Variants in GRID2 observed in about 807,000 individuals in gnomAD.
GRID2 encodes the protein glutamate receptor ionotropic, delta-2.
A neutral mutation model predicts 114.8 loss-of-function variants in GRID2; 33 were observed. The observed-to-expected ratio is 0.29, with a 90% CI of 0.22 to 0.38. GRID2 has a LOEUF of 0.38. Among genes scored for constraint, GRID2 ranks in the 10% least tolerant of loss-of-function variants. The pLI is 1.00. For synonymous variants in GRID2, 505 were observed against 449.9 expected (o/e 1.12, Z -1.55); for missense variants, 1,184 against 1,257.7 (o/e 0.94, Z 0.89).
intron 14 of GRID2, among the ~76,000 whole-genome samples, chr4:93,663,376 C>A (rs1578509102): frequency 6.6e-6 from 1 of 152,302 alleles, no homozygotes; most frequent in Non-Finnish European, 1.5e-5. Flanking sequence ...TTGAGAGTCA[C>A]ATTTTGGCTG....
chr4:93,804,135 T>A (rs1013379608), intron 1 of GRID2, among the ~76,000 whole-genome samples: 3 of 152,136 alleles, frequency 2.0e-5, no homozygotes, highest in Non-Finnish European at 4.4e-5. Flanking sequence ...TTCCTTAGGA[T>A]CTAAAACTAG....
In GRID2 at chr4:92,615,670, C is replaced by A. The variant is rs568352593; in HGVS notation, c.244+25384C>A. ...CTGAATTGTGCTTTTTATTGCTATACCTCATCATATTATTCTGGCTATTCT... is the reference window on the plus strand; with the variant it reads ...CTGAATTGTGCTTTTTATTGCTATAACTCATCATATTATTCTGGCTATTCT... On this transcript the variant is annotated intron_variant, in intron 2 of 15. Coordinates refer to ENST00000282020, the MANE Select transcript of GRID2 (RefSeq NM_001510.4). Among the ~76,000 whole-genome samples, 66 of 151,444 alleles carry A rather than the reference C, an allele frequency of 4.4e-4. 1 individual carries two copies. The South Asian group carries it at 0.012, about 28-fold the overall frequency.
intron 14 of GRID2, among the ~76,000 whole-genome samples, chr4:93,666,280 C>G (rs1490696842): frequency 6.6e-6 from 1 of 151,984 alleles, no homozygotes; most frequent in African/African-American, 2.4e-5. Context: ...ATATAAGCAC[C>G]TTTTATTGAA....
intron 4 of GRID2, among the ~76,000 whole-genome samples, chr4:93,139,126 CA>C (rs1163809367): frequency 6.6e-6 from 1 of 152,112 alleles, no homozygotes; most frequent in Non-Finnish European, 1.5e-5. Context: ...AATCTGTTTA[CA>C]AAAGTTTGGG....
chr4:92,707,082 TTAGA>T (rs1249731921), intron 2 of GRID2, among the ~76,000 whole-genome samples: 9 of 152,280 alleles, frequency 5.9e-5, no homozygotes, highest in African/African-American at 9.6e-5. Context: ...TCTGTAAATG[TTAGA>T]TAGGGAGTTA....
At chr4:92,714,830 G>A (rs368073942) in intron 2 of GRID2, among the ~76,000 whole-genome samples, 1 of 152,112 alleles carries the variant, frequency 6.6e-6, no homozygotes, top group Non-Finnish European at 1.5e-5. Context: ...GGCCCAGCCC[G>A]TGAAACCATT....
intron 2 of GRID2, among the ~76,000 whole-genome samples, chr4:92,662,597 A>T (rs1732575357): frequency 6.6e-6 from 1 of 151,224 alleles, no homozygotes; most frequent in Admixed American, 6.6e-5. Context: ...GAATAAAAAA[A>T]AAAGGTAAAC....
At chr4:92,460,990 C>T (rs916970429) in intron 1 of GRID2, among the ~76,000 whole-genome samples, 1 of 151,618 alleles carries the variant, frequency 6.6e-6, no homozygotes, top group Non-Finnish European at 1.5e-5. Flanking sequence ...TCCCTTCTTC[C>T]TCATATGTAT....
intron 13 of GRID2, among the ~76,000 whole-genome samples, chr4:93,596,801 A>G (rs1209418564): frequency 1.3e-5 from 2 of 152,200 alleles, no homozygotes; most frequent in African/African-American, 4.8e-5. Context: ...TTGGTTTTTG[A>G]TAGATCAGAT....
intron 1 of GRID2, among the ~76,000 whole-genome samples, chr4:92,560,664 C>T (rs1346918470): frequency 2.0e-5 from 3 of 152,114 alleles, no homozygotes; most frequent in African/African-American, 4.8e-5. Flanking sequence ...TTATATCCTA[C>T]TGATATTTCC....
chr4:92,370,702 G>A (rs963530969), intron 1 of GRID2, among the ~76,000 whole-genome samples: 8 of 152,150 alleles, frequency 5.3e-5, no homozygotes, highest in African/African-American at 1.7e-4. Flanking sequence ...CTAAAAGAGA[G>A]TAAGCTTAGT....
intron 2 of GRID2, among the ~76,000 whole-genome samples, chr4:92,623,941 A>C (rs1730397295): frequency 6.6e-6 from 1 of 151,834 alleles, no homozygotes. Context: ...ACATATACAC[A>C]CAATGACATA....
chr4:92,582,731 G>C (rs1383995112), intron 1 of GRID2, among the ~76,000 whole-genome samples: 1 of 151,862 alleles, frequency 6.6e-6, no homozygotes, highest in Non-Finnish European at 1.5e-5. Flanking sequence ...GGGATGCAGA[G>C]GTACAGTGAT....
chr4:93,084,764 C>T (rs1291746429), intron 2 of GRID2, among the ~76,000 whole-genome samples: 2 of 152,106 alleles, frequency 1.3e-5, no homozygotes, highest in East Asian at 3.9e-4. Context: ...TGAAACCGAG[C>T]CAAGAGAAGC....
chr4:93,650,635 C>A (rs1722502067), intron 14 of GRID2, among the ~76,000 whole-genome samples: 2 of 152,052 alleles, frequency 1.3e-5, no homozygotes, highest in Non-Finnish European at 2.9e-5. Flanking sequence ...AGTTTCTAAG[C>A]AAATGCTTTT....
intron 1 of GRID2, among the ~76,000 whole-genome samples, chr4:92,374,115 C>G (rs181060887): frequency 5.0e-4 from 76 of 152,228 alleles, no homozygotes; most frequent in Non-Finnish European, 9.6e-4. Context: ...GAGACTGTTT[C>G]TTTCAGGCCA....
intron 11 of GRID2, among the ~76,000 whole-genome samples, chr4:93,480,431 C>A (rs1410796836): frequency 6.6e-6 from 1 of 152,074 alleles, no homozygotes. Context: ...TGGAATTTTT[C>A]TATCCATACA....
At chr4:92,386,054 CT>C (rs1460817571) in intron 1 of GRID2, among the ~76,000 whole-genome samples, 1 of 151,370 alleles carries the variant, frequency 6.6e-6, no homozygotes, top group African/African-American at 2.4e-5. Context: ...TTAAAATTCA[CT>C]TTTATTTGTC....
At chr4:92,714,835 A>G (rs938451707) in intron 2 of GRID2, among the ~76,000 whole-genome samples, 1 of 152,034 alleles carries the variant, frequency 6.6e-6, no homozygotes, top group African/African-American at 2.4e-5. Context: ...AGCCCGTGAA[A>G]CCATTTTTTT....
Sources: allele counts gnomAD v4.1 joint callset (sites outside exome capture counted in the v4.1 genomes callset), GRCh38; gene constraint gnomAD v4.1.1; transcripts MANE v1.5; gene names NCBI Gene and HGNC (gene_info 2026-07-23, HGNC 2026-07-21).